The following PLPPR1 variants were observed in gnomAD, a reference collection of about 807,000 sequenced individuals.
PLPPR1 encodes phospholipid phosphatase-related protein type 1.
In PLPPR1, 10 loss-of-function variants were observed where a neutral mutation model predicts 33.1. The observed-to-expected ratio is 0.30, with a 90% CI of 0.19 to 0.51. PLPPR1 has a LOEUF of 0.51. PLPPR1 is among the 20% of genes least tolerant of loss of function. The probability of loss-of-function intolerance (pLI) is 0.97; values close to 1 mark genes in which losing one functional copy is unlikely to be tolerated. For missense variants in PLPPR1, 304 were observed against 408.1 expected (o/e 0.74, Z 2.20); for synonymous variants, 151 against 151.0 (o/e 1.00, Z 0.00).
intron 2 of PLPPR1, among the ~76,000 whole-genome samples, chr9:101,256,651 C>G (rs1827808374): frequency 6.6e-6 from 1 of 152,134 alleles, no homozygotes; most frequent in African/African-American, 2.4e-5. Context: ...CCTTTCTTAG[C>G]TTGCTATGAC....
intron 4 of PLPPR1, among the ~76,000 whole-genome samples, chr9:101,294,159 G>A (rs926773336): frequency 2.0e-5 from 3 of 151,988 alleles, no homozygotes; most frequent in Non-Finnish European, 4.4e-5. Context: ...TATCATCAGA[G>A]AATACTACAA....
chr9:101,265,259 T>A (rs1199926997), intron 2 of PLPPR1, among the ~76,000 whole-genome samples: 5 of 152,222 alleles, frequency 3.3e-5, no homozygotes, highest in Non-Finnish European at 7.3e-5. Flanking sequence ...ACTTAATGCA[T>A]TTTTTACTGC....
At chr9:101,198,345 G>A (rs975374662) in intron 2 of PLPPR1, among the ~76,000 whole-genome samples, 11 of 151,996 alleles carry the variant, frequency 7.2e-5, no homozygotes, top group Admixed American at 2.0e-4. Context: ...CAAATCCCTC[G>A]TTTCAGATAA....
chr9:101,324,161 T>C lies in PLPPR1; in HGVS notation c.*104T>C, dbSNP rs1334215295. 2.1e-6 allele frequency: 2 copies of C among 946,190 alleles called. No individual in the cohort carries two copies. Among genetic ancestry groups the C allele is most frequent in the Admixed American group, 3.8e-5 (2 of 52,462 alleles). 58.6% of individuals were successfully genotyped at this position (946,190 alleles called of 1,614,324 possible). A position where few individuals can be genotyped will look rare whatever the true frequency, so the allele number is the denominator to read the frequency against. On this transcript the variant is annotated 3_prime_UTR_variant, in exon 8 of 8. Coordinates refer to ENST00000374874, the MANE Select transcript of PLPPR1 (RefSeq NM_207299.2). ...AAACTGTGATGACAAATATTACGTT[T>C]ATCTAGTTAGAAGCTAATGTTTTGT... is the stretch of plus-strand genomic sequence containing the variant.
chr9:101,148,057 C>T (rs75669072), intron 1 of PLPPR1, among the ~76,000 whole-genome samples: 173 of 152,256 alleles, frequency 1.1e-3, no homozygotes, highest in Admixed American at 3.0e-3. Flanking sequence ...ATCAACCTGC[C>T]TCTCTGCTCC....
chr9:101,296,180 C>CA (rs1030424942), intron 4 of PLPPR1, among the ~76,000 whole-genome samples: 26 of 151,876 alleles, frequency 1.7e-4, no homozygotes, highest in African/African-American at 6.0e-4. Context: ...TTTATGCAGC[C>CA]AAAAAACACA....
chr9:101,195,637 C>T (rs1185585349), intron 2 of PLPPR1, among the ~76,000 whole-genome samples: 2 of 152,030 alleles, frequency 1.3e-5, no homozygotes, highest in African/African-American at 4.8e-5. Context: ...CCTGTCATTC[C>T]AAAGATGACA....
chr9:101,032,282 C>T (rs552990921), intron 1 of PLPPR1, among the ~76,000 whole-genome samples: 1 of 152,242 alleles, frequency 6.6e-6, no homozygotes, highest in African/African-American at 2.4e-5. Context: ...ATCAGATTTG[C>T]ATTAGAGAAT....
At chr9:101,126,754 T>G (rs192936312) in intron 1 of PLPPR1, among the ~76,000 whole-genome samples, 1 of 152,292 alleles carries the variant, frequency 6.6e-6, no homozygotes, top group Admixed American at 6.5e-5. Flanking sequence ...AGTTTCTCTT[T>G]CATTTAATTT....
intron 1 of PLPPR1, among the ~76,000 whole-genome samples, chr9:101,155,560 A>C (rs1831670277): frequency 1.3e-5 from 2 of 151,684 alleles, no homozygotes; most frequent in Non-Finnish European, 2.9e-5. Flanking sequence ...CCTACCTCTC[A>C]ACATTGTTGC....
chr9:101,159,173 G>C (rs1831740222), intron 1 of PLPPR1, among the ~76,000 whole-genome samples: 1 of 152,056 alleles, frequency 6.6e-6, no homozygotes, highest in Admixed American at 6.6e-5. Flanking sequence ...ATTAATCTAG[G>C]TATTTAGAAA....
intron 1 of PLPPR1, among the ~76,000 whole-genome samples, chr9:101,079,212 G>C (rs535696733): frequency 7.2e-5 from 11 of 152,194 alleles, no homozygotes; most frequent in Non-Finnish European, 1.2e-4. Context: ...GTCTGGTCTG[G>C]TGAGCTCCTA....
intron 1 of PLPPR1, among the ~76,000 whole-genome samples, chr9:101,084,319 C>T (rs1022975918): frequency 6.6e-6 from 1 of 152,180 alleles, no homozygotes; most frequent in Admixed American, 6.5e-5. Context: ...GGAACTAAAA[C>T]TCTTATGCAT....
chr9:101,032,365 T>A (rs1002465057), intron 1 of PLPPR1, among the ~76,000 whole-genome samples: 1 of 152,022 alleles, frequency 6.6e-6, no homozygotes, highest in African/African-American at 2.4e-5. Flanking sequence ...ATTGTGGAAA[T>A]GTAGGTGTTA....
intron 1 of PLPPR1, among the ~76,000 whole-genome samples, chr9:101,083,094 C>G (rs1000134054): frequency 6.6e-6 from 1 of 152,144 alleles, no homozygotes; most frequent in African/African-American, 2.4e-5. Flanking sequence ...CCTGATTCTA[C>G]AGCACAGATC....
intron 2 of PLPPR1, among the ~76,000 whole-genome samples, chr9:101,259,315 G>A (rs1029805347): frequency 3.5e-4 from 54 of 152,238 alleles, no homozygotes; most frequent in African/African-American, 1.3e-3. Context: ...TATTCGAATG[G>A]TAGGCTGCTT....
intron 1 of PLPPR1, among the ~76,000 whole-genome samples, chr9:101,046,099 G>A (rs1830139967): frequency 6.6e-6 from 1 of 152,188 alleles, no homozygotes; most frequent in African/African-American, 2.4e-5. Flanking sequence ...CTATGTGTCT[G>A]TAAGTGCACT....
chr9:101,310,562 G>A (rs796909286), intron 5 of PLPPR1, among the ~76,000 whole-genome samples: 77 of 152,264 alleles, frequency 5.1e-4, no homozygotes, highest in African/African-American at 1.8e-3. Context: ...CTGCCTCTGC[G>A]GGAAGAAAAC....
At chr9:101,285,103 CT>C (rs1828369763) in intron 3 of PLPPR1, among the ~76,000 whole-genome samples, 1 of 152,138 alleles carries the variant, frequency 6.6e-6, no homozygotes, top group African/African-American at 2.4e-5. Context: ...CCTGAAAAGA[CT>C]ATGCTGAAGT....
Sources: gnomAD v4.1 joint callset for allele counts (sites outside exome capture counted in the v4.1 genomes callset) on GRCh38, gnomAD v4.1.1 for gene constraint, MANE v1.5 for transcripts, NCBI Gene and HGNC (gene_info 2026-07-23, HGNC 2026-07-21) for gene names.